Variants in INO80D observed in about 807,000 individuals in gnomAD.
INO80D encodes INO80 complex subunit D.
A neutral mutation model predicts 87.6 loss-of-function variants in INO80D; 21 were observed. The ratio of observed to expected loss-of-function variants is 0.24; its 90% CI spans 0.17 to 0.35. The LOEUF (loss-of-function observed/expected upper bound fraction) is 0.35, where lower values mean the gene tolerates loss of function less well. INO80D is among the 10% of genes least tolerant of loss of function. The pLI, the probability that INO80D is intolerant of heterozygous loss-of-function variation, is 1.00. For missense variants in INO80D, 982 were observed against 1,280.7 expected (o/e 0.77, Z 3.56); for synonymous variants, 440 against 491.0 (o/e 0.90, Z 1.37).
At position 206,017,800 on chromosome 2, in the gene INO80D, G is replaced by A; in HGVS notation, c.1422C>T (p.Asn474=). The change falls in exon 8 of 11, where the codon AAC becomes AAT. Residue 474 remains asparagine, a synonymous_variant. Transcript: ENST00000403263. The part of the protein sequence containing the change: ...TRHCFQHILL[N]HSQQLFSSCT... ...AACTTGAGAAGAGCTGCTGAGAGTG[G>A]TTCAAGAGGATATCTGGGTTTTTTT... 6.2e-7 allele frequency: 1 copy of A among 1,608,952 alleles called. No individual in the cohort carries two copies. The highest frequency in any genetic ancestry group is 8.5e-7 in the Non-Finnish European group (1 of 1,178,718).
chr2:206,033,596 G>A (rs187131178), intron 5 of INO80D, among the ~76,000 whole-genome samples: 101 of 152,286 alleles, frequency 6.6e-4, no homozygotes, highest in Admixed American at 1.2e-3. Context: ...GCAGTGCTAA[G>A]AGGAAAGTTC....
Position 206,028,349 on chromosome 2 carries a change from GGA to G in INO80D, c.1074-16_1074-15del, listed in dbSNP as rs747028773. The G allele has an allele frequency of 6.4e-7, 1 of 1,559,026 alleles. No homozygotes were observed. The highest frequency in any genetic ancestry group is 1.2e-5 in the South Asian group (1 of 86,372). ...TCATCATCTGACCTGGAAAGTGCAG[GGA>G]GAGAAAGGAAAAACTGATTACACAT... On this transcript the variant is annotated splice_polypyrimidine_tract_variant and intron_variant, in intron 5 of 10. Transcript: ENST00000403263.
intron 4 of INO80D, among the ~76,000 whole-genome samples, 154 bp downstream of exon 4, chr2:206,056,044 G>A (rs1689507946): frequency 1.3e-5 from 2 of 152,184 alleles, no homozygotes; most frequent in Admixed American, 1.3e-4. Context: ...TTTTAAGGTG[G>A]TCTACCTAAA....
intron 6 of INO80D, chr2:206,025,554 T>TATATATATATAC (rs1688592745): frequency 4.8e-5 from 6 of 124,150 alleles, no homozygotes; most frequent in African/African-American, 1.7e-4. Flanking sequence ...TATATATATA[T>TATATATATATAC]ATATATATAT....
chr2:206,038,875 T>C (rs978779787), intron 5 of INO80D, among the ~76,000 whole-genome samples: 1 of 152,132 alleles, frequency 6.6e-6, no homozygotes, highest in African/African-American at 2.4e-5. Context: ...GGAGGTAGGC[T>C]GATTTCAGAG....
chr2:206,009,093 TG>T (rs1688101826), intron 9 of INO80D, among the ~76,000 whole-genome samples: 1 of 152,178 alleles, frequency 6.6e-6, no homozygotes. Context: ...GTGGATCACT[TG>T]AGGTCAAGAG....
intron 4 of INO80D, among the ~76,000 whole-genome samples, chr2:206,052,244 G>A (rs912450891): frequency 6.6e-5 from 10 of 152,148 alleles, no homozygotes; most frequent in African/African-American, 2.4e-4. Flanking sequence ...CTGGAGTCCA[G>A]TGGTGCGATC....
chr2:206,007,179 A>G, intron 10 of INO80D, 105 bp downstream of exon 10: 1 of 946,658 alleles, frequency 1.1e-6, no homozygotes, highest in Non-Finnish European at 1.6e-6. Context: ...AGTGAAAGAC[A>G]TTACATGTGA....
At chr2:206,068,542 G>A (rs1257080475) in intron 1 of INO80D, among the ~76,000 whole-genome samples, 1 of 152,108 alleles carries the variant, frequency 6.6e-6, no homozygotes, top group Non-Finnish European at 1.5e-5. Flanking sequence ...CTACTTTTGT[G>A]CTATAATGGT....
At chr2:206,023,828 T>C (rs2105825407) in intron 6 of INO80D, among the ~76,000 whole-genome samples, 1 of 152,274 alleles carries the variant, frequency 6.6e-6, no homozygotes. Context: ...CTGAAAACTA[T>C]AACAGGGTCC....
At chr2:206,015,166 C>T (rs183382948) in intron 8 of INO80D, among the ~76,000 whole-genome samples, 76 of 152,286 alleles carry the variant, frequency 5.0e-4, no homozygotes, top group African/African-American at 1.8e-3. Context: ...GGAAAATTTG[C>T]AGCCTGACAA....
intron 5 of INO80D, among the ~76,000 whole-genome samples, chr2:206,035,479 C>G (rs1688868945): frequency 1.3e-5 from 2 of 152,018 alleles, no homozygotes; most frequent in South Asian, 2.1e-4. Flanking sequence ...CAAACAAAAA[C>G]AAAGTGGAAA....
At chr2:206,036,287 A>G (rs937796177) in intron 5 of INO80D, among the ~76,000 whole-genome samples, 2 of 152,204 alleles carry the variant, frequency 1.3e-5, no homozygotes, top group African/African-American at 4.8e-5. Context: ...AGATACTTGC[A>G]CACACATTTA....
chr2:206,032,235 G>A (rs948458963), intron 5 of INO80D, among the ~76,000 whole-genome samples: 2 of 152,182 alleles, frequency 1.3e-5, no homozygotes, highest in African/African-American at 4.8e-5. Context: ...TCCACAGGTG[G>A]GGAAAGAACC....
At chr2:206,010,738 T>C (rs1688151066) in intron 8 of INO80D, among the ~76,000 whole-genome samples, 1 of 151,986 alleles carries the variant, frequency 6.6e-6, no homozygotes, top group Admixed American at 6.6e-5. Flanking sequence ...TGTAAACAAT[T>C]ACAGATTAAG....
At chr2:206,037,261 A>G (rs960835625) in intron 5 of INO80D, among the ~76,000 whole-genome samples, 1 of 152,242 alleles carries the variant, frequency 6.6e-6, no homozygotes, top group East Asian at 1.9e-4. Flanking sequence ...CAGAGCAGCA[A>G]ATTCTACACT....
At chr2:206,008,608 A>C (rs184748294) in intron 9 of INO80D, among the ~76,000 whole-genome samples, 5 of 152,274 alleles carry the variant, frequency 3.3e-5, no homozygotes, top group Admixed American at 3.3e-4. Context: ...CAGAAACATG[A>C]GAAACCCTAA....
intron 4 of INO80D, among the ~76,000 whole-genome samples, chr2:206,047,285 C>T (rs1186003012): frequency 6.6e-6 from 1 of 152,216 alleles, no homozygotes; most frequent in East Asian, 1.9e-4. Flanking sequence ...GTGGCATGAT[C>T]TCGGCTCACT....
At position 206,063,828 on chromosome 2, in the gene INO80D, CT is replaced by C. The variant is rs1324215395; in HGVS notation, c.-123-585del. The C allele has an allele frequency of 3.3e-5, 5 of 152,312 alleles. No individual in the cohort carries two copies. In the East Asian group the frequency reaches 9.6e-4, roughly 29 times the overall value. 9.4% of individuals were successfully genotyped at this position (152,312 alleles called of 1,614,324 possible). On this transcript the variant is annotated intron_variant, in intron 1 of 10. Transcript: ENST00000403263. ...AATGAATGTCACAGGTAGCAGGTCT[CT>C]TTTTCATTACTGATGTTTGCATGCT...
Sources: allele counts gnomAD v4.1 joint callset (sites outside exome capture counted in the v4.1 genomes callset), GRCh38; gene constraint gnomAD v4.1.1; transcripts MANE v1.5; gene names NCBI Gene and HGNC (gene_info 2026-07-23, HGNC 2026-07-21).